ATP8A1: variants seen among roughly 807,000 people sequenced by gnomAD.
The protein encoded by ATP8A1 is ATPase phospholipid transporting 8A1, also known as phospholipid-transporting ATPase IA.
Under a neutral mutation model 177.7 loss-of-function variants are expected in ATP8A1, and 90 were observed. The observed-to-expected ratio is 0.51, with a 90% CI of 0.43 to 0.60. ATP8A1 has a LOEUF of 0.60. Among genes scored for constraint, ATP8A1 ranks in the 20% least tolerant of loss-of-function variants. ATP8A1 has a pLI of 0.00. For missense variants in ATP8A1, 1,072 were observed against 1,392.8 expected (o/e 0.77, Z 3.67); for synonymous variants, 493 against 485.9 (o/e 1.01, Z -0.19).
At chr4:42,514,687 C>G (rs1158769688) in intron 22 of ATP8A1, among the ~76,000 whole-genome samples, 1 of 152,082 alleles carries the variant, frequency 6.6e-6, no homozygotes, top group African/African-American at 2.4e-5. Flanking sequence ...TTGCTTTCTT[C>G]AAAAGCAAGT....
intron 1 of ATP8A1, among the ~76,000 whole-genome samples, chr4:42,639,771 A>T (rs1739775563): frequency 6.6e-6 from 1 of 152,220 alleles, no homozygotes; most frequent in Non-Finnish European, 1.5e-5. Flanking sequence ...AAGACAATTT[A>T]GTCATCGTTC....
rs781366656 is a variant in ATP8A1, at chr4:42,578,374, A to G, written c.1014T>C (p.Ser338=). 1.9e-6 allele frequency: 3 copies of G among 1,611,980 alleles called. No homozygotes were observed. The highest frequency in any genetic ancestry group is 2.5e-6 in the Non-Finnish European group (3 of 1,179,006). ...WYLNLNYGGA[S]NFGLNFLTFI... ...AGGTCAAGAAATTCAGTCCAAAATT[A>G]CTAGCGCCACCATCTGTTGGGAGAG... The change falls in exon 12 of 37, where the codon AGT becomes AGC. Residue 338 remains serine, a synonymous_variant. Transcript: ENST00000381668.
rs970010784 is a variant in ATP8A1 at position 42,409,860 on chromosome 4, G to T, written c.*3056C>A. The stretch of plus-strand genomic sequence containing the variant: ...GCAAAATTAAAGTATAAAATTTAAT[G>T]ATCAGAATGCTGACTGATTTCCATA... On this transcript the variant is annotated 3_prime_UTR_variant, in exon 37 of 37. Coordinates refer to ENST00000381668, the MANE Select transcript of ATP8A1 (RefSeq NM_006095.2). 1.3e-5 allele frequency: 2 copies of T among 152,114 alleles called. No homozygotes were observed. Among genetic ancestry groups the T allele is most frequent in the Non-Finnish European group, 2.9e-5 (2 of 67,996 alleles). The allele number at this position is 152,114 out of a possible 1,614,324, so 9.4% of individuals were successfully genotyped here. A position where few individuals can be genotyped will look rare whatever the true frequency, so the allele number is the denominator to read the frequency against.
intron 17 of ATP8A1, among the ~76,000 whole-genome samples, chr4:42,552,031 G>A (rs953825377): frequency 6.6e-6 from 1 of 152,078 alleles, no homozygotes; most frequent in African/African-American, 2.4e-5. Flanking sequence ...CCCTTCAAAT[G>A]CGTAAAACTT....
intron 31 of ATP8A1, 133 bp from the exon 32 acceptor site, chr4:42,444,767 C>A: frequency 1.1e-6 from 1 of 887,846 alleles, no homozygotes; most frequent in Non-Finnish European, 1.7e-6. Context: ...CTTTGTATAT[C>A]CAACCAGCAA....
At chr4:42,536,149 T>C (rs1727806986) in intron 20 of ATP8A1, among the ~76,000 whole-genome samples, 1 of 152,038 alleles carries the variant, frequency 6.6e-6, no homozygotes, top group African/African-American at 2.4e-5. Flanking sequence ...CTATAAAATA[T>C]AAATTAAACA....
intron 35 of ATP8A1, among the ~76,000 whole-genome samples, chr4:42,418,337 G>T (rs1490175441): frequency 6.9e-6 from 1 of 144,298 alleles, no homozygotes; most frequent in Admixed American, 7.2e-5. Context: ...AAATAAAAAA[G>T]AATTATGAGT....
At chr4:42,440,914 C>T (rs945951757) in intron 33 of ATP8A1, among the ~76,000 whole-genome samples, 6 of 15,036 alleles carry the variant, frequency 4.0e-4, no homozygotes, top group South Asian at 7.2e-3. Context: ...AACACACTTA[C>T]GTACATAATT....
intron 4 of ATP8A1, among the ~76,000 whole-genome samples, chr4:42,621,487 T>C (rs780514038): frequency 6.6e-6 from 1 of 152,170 alleles, no homozygotes; most frequent in Non-Finnish European, 1.5e-5. Flanking sequence ...TATTTTAGAA[T>C]AAAATACCTA....
At chr4:42,434,579 C>G (rs1715699340) in intron 33 of ATP8A1, among the ~76,000 whole-genome samples, 1 of 152,238 alleles carries the variant, frequency 6.6e-6, no homozygotes. Context: ...TCTCCTTTCT[C>G]TATCTTCTTT....
chr4:42,440,889 C>A (rs1285640117), intron 33 of ATP8A1, among the ~76,000 whole-genome samples: 2 of 147,550 alleles, frequency 1.4e-5, no homozygotes, highest in Non-Finnish European at 3.0e-5. Flanking sequence ...CCTTATTAAG[C>A]TTTTGGGCAA....
chr4:42,494,520 G>A (rs1434799890), intron 24 of ATP8A1, among the ~76,000 whole-genome samples: 2 of 152,108 alleles, frequency 1.3e-5, no homozygotes, highest in East Asian at 3.8e-4. Context: ...TCTCCCAATG[G>A]CAATTTTATT....
rs1577952776 is a variant in ATP8A1, at chr4:42,448,392, C to CTTTTTTT, written c.2897-1749_2897-1748insAAAAAAA. ...ACAAGTAGCCTCCCTCCCTCCTTCT[C>CTTTTTTT]TTTCTTTTCTTTTTTTTTTTTTTGA... is the stretch of plus-strand genomic sequence containing the variant. On this transcript the variant is annotated intron_variant, in intron 30 of 36. Transcript: ENST00000381668. 4.0e-4 allele frequency among the ~76,000 whole-genome samples: 8 copies of CTTTTTTT among 19,928 alleles called. No homozygotes were observed. In the East Asian group the frequency reaches 9.8e-3, roughly 24 times the overall value. 13.1% of individuals were successfully genotyped at this position (19,928 alleles called of 152,430 possible).
chr4:42,478,713 C>T (rs1032574992), intron 25 of ATP8A1, among the ~76,000 whole-genome samples: 77 of 152,110 alleles, frequency 5.1e-4, no homozygotes, highest in Admixed American at 2.4e-3. Context: ...GGGAAGGCAC[C>T]GCAGTGACCG....
At chr4:42,537,139 A>AC (rs2153203798) in intron 20 of ATP8A1, among the ~76,000 whole-genome samples, 1 of 144,260 alleles carries the variant, frequency 6.9e-6, no homozygotes, top group Non-Finnish European at 1.5e-5. Context: ...TCTCAAAAAA[A>AC]AAAAAAACAA....
chr4:42,533,547 C>G (rs547026613), intron 20 of ATP8A1, among the ~76,000 whole-genome samples: 89 of 152,270 alleles, frequency 5.8e-4, no homozygotes, highest in African/African-American at 1.9e-3. Context: ...CTGCCCCTAG[C>G]TGATAGTCTT....
intron 1 of ATP8A1, among the ~76,000 whole-genome samples, chr4:42,634,240 C>T (rs1407214445): frequency 6.6e-6 from 1 of 152,168 alleles, no homozygotes; most frequent in Non-Finnish European, 1.5e-5. Context: ...CATGATGCTC[C>T]ATAGTACTAC....
intron 33 of ATP8A1, among the ~76,000 whole-genome samples, chr4:42,429,722 G>A (rs1328153995): frequency 6.6e-6 from 1 of 152,126 alleles, no homozygotes; most frequent in East Asian, 1.9e-4. Context: ...TAGCCAAAGG[G>A]TGGAAACAAC....
At chr4:42,512,046 G>A (rs1020735845) in intron 22 of ATP8A1, among the ~76,000 whole-genome samples, 1 of 152,170 alleles carries the variant, frequency 6.6e-6, no homozygotes, top group Non-Finnish European at 1.5e-5. Context: ...TGTTGAAGAG[G>A]AAACCAGCAT....
Sources: allele counts gnomAD v4.1 joint callset (sites outside exome capture counted in the v4.1 genomes callset), GRCh38; gene constraint gnomAD v4.1.1; transcripts MANE v1.5; gene names NCBI Gene and HGNC (gene_info 2026-07-23, HGNC 2026-07-21).